SGMS1: variants seen among roughly 807,000 people sequenced by gnomAD.
The protein encoded by SGMS1 is sphingomyelin synthase 1, also known as phosphatidylcholine:ceramide cholinephosphotransferase 1.
In SGMS1, 13 loss-of-function variants were observed where a neutral mutation model predicts 46.2. The ratio of observed to expected loss-of-function variants is 0.28; its 90% CI spans 0.18 to 0.45. SGMS1 has a LOEUF of 0.45. Ranked by LOEUF, SGMS1 falls within the 20% of genes least tolerant of loss-of-function variation. The probability of loss-of-function intolerance (pLI) is 1.00; values close to 1 mark genes in which losing one functional copy is unlikely to be tolerated. For missense variants in SGMS1, 324 were observed against 519.9 expected (o/e 0.62, Z 3.66); for synonymous variants, 203 against 187.8 (o/e 1.08, Z -0.66).
At chr10:50,486,616 C>T (rs952917033) in intron 3 of SGMS1, among the ~76,000 whole-genome samples, 3 of 152,198 alleles carry the variant, frequency 2.0e-5, no homozygotes, top group African/African-American at 7.2e-5. Flanking sequence ...TAGATGCCAT[C>T]TCACACCAGT....
chr10:50,538,795 T>C (rs1047490185), intron 2 of SGMS1, among the ~76,000 whole-genome samples: 4 of 152,164 alleles, frequency 2.6e-5, no homozygotes, highest in Non-Finnish European at 5.9e-5. Context: ...GTAAGTATCA[T>C]TAAGTGGTCA....
intron 3 of SGMS1, chr10:50,472,829 T>C (rs1837390445): frequency 1.3e-5 from 2 of 152,312 alleles, no homozygotes; most frequent in South Asian, 4.1e-4. Context: ...ACACTAGTCA[T>C]TATTTTCAAG....
chr10:50,488,554 T>C (rs1837542039), intron 3 of SGMS1, among the ~76,000 whole-genome samples: 3 of 152,170 alleles, frequency 2.0e-5, no homozygotes, highest in Admixed American at 2.0e-4. Context: ...CAAAGAAACA[T>C]AACATCAGTA....
chr10:50,321,222 T>C (rs540080483), intron 8 of SGMS1, among the ~76,000 whole-genome samples: 53 of 152,248 alleles, frequency 3.5e-4, no homozygotes, highest in Middle Eastern at 3.4e-3. Flanking sequence ...TAAGGAGATA[T>C]GAATAATAAA....
At chr10:50,385,849 C>T (rs1038866830) in intron 6 of SGMS1, among the ~76,000 whole-genome samples, 1 of 152,170 alleles carries the variant, frequency 6.6e-6, no homozygotes, top group Admixed American at 6.5e-5. Flanking sequence ...TGCTTGATTT[C>T]TAGCACATTA....
intron 3 of SGMS1, among the ~76,000 whole-genome samples, chr10:50,512,787 C>T (rs1837768542): frequency 6.6e-6 from 1 of 152,220 alleles, no homozygotes; most frequent in Non-Finnish European, 1.5e-5. Flanking sequence ...TATTCCAGCT[C>T]ATATTTCCAA....
At chr10:50,375,540 C>A (rs1039471209) in intron 6 of SGMS1, among the ~76,000 whole-genome samples, 2 of 152,088 alleles carry the variant, frequency 1.3e-5, no homozygotes, top group Admixed American at 6.6e-5. Context: ...GGTTTGGCCA[C>A]CATGGGAGAA....
chr10:50,396,205 T>C (rs1309848325), intron 6 of SGMS1, among the ~76,000 whole-genome samples: 2 of 152,116 alleles, frequency 1.3e-5, no homozygotes, highest in Non-Finnish European at 2.9e-5. Flanking sequence ...GCCCTCAGGG[T>C]GGGGCTCCCA....
At chr10:50,458,121 C>G (rs533219789) in intron 5 of SGMS1, among the ~76,000 whole-genome samples, 1 of 152,320 alleles carries the variant, frequency 6.6e-6, no homozygotes, top group East Asian at 1.9e-4. Context: ...ATGAACAACA[C>G]CAAGCCCATC....
At chr10:50,418,469 A>T (rs1211059957) in intron 6 of SGMS1, 2 of 152,346 alleles carry the variant, frequency 1.3e-5, no homozygotes, top group African/African-American at 4.8e-5. Flanking sequence ...CTACCACGGC[A>T]AAAAAGAAAT....
intron 3 of SGMS1, among the ~76,000 whole-genome samples, chr10:50,492,009 C>T (rs1837571683): frequency 6.6e-6 from 1 of 152,164 alleles, no homozygotes; most frequent in Non-Finnish European, 1.5e-5. Context: ...AAGGTTGGTT[C>T]AACATACGCA....
chr10:50,603,410 T>C (rs867172178), intron 1 of SGMS1, among the ~76,000 whole-genome samples: 18 of 152,348 alleles, frequency 1.2e-4, no homozygotes, highest in Middle Eastern at 3.4e-3. Context: ...CATTTAACCA[T>C]GATGCACACC....
chr10:50,335,323 C>T (rs1847698479), intron 7 of SGMS1: 1 of 152,394 alleles, frequency 6.6e-6, no homozygotes, highest in Non-Finnish European at 1.5e-5. Context: ...CACATTTGGG[C>T]TGAGCACTGG....
At chr10:50,436,459 C>T (rs994258109) in intron 5 of SGMS1, among the ~76,000 whole-genome samples, 4 of 152,000 alleles carry the variant, frequency 2.6e-5, no homozygotes, top group South Asian at 2.1e-4. Flanking sequence ...AAGGTGATTG[C>T]GATGAAGTTC....
At chr10:50,445,767 G>A (rs372284390) in intron 5 of SGMS1, among the ~76,000 whole-genome samples, 12 of 152,264 alleles carry the variant, frequency 7.9e-5, no homozygotes, top group African/African-American at 2.6e-4. Context: ...GGATAACAGC[G>A]ATGTTCAGGG....
intron 2 of SGMS1, among the ~76,000 whole-genome samples, chr10:50,555,959 TC>T (rs1399336238): frequency 6.6e-6 from 1 of 152,202 alleles, no homozygotes; most frequent in African/African-American, 2.4e-5. Flanking sequence ...GGAAAGACCA[TC>T]TAATTGCCAG....
chr10:50,615,645 C>A (rs991997287), intron 1 of SGMS1, among the ~76,000 whole-genome samples: 1 of 152,224 alleles, frequency 6.6e-6, no homozygotes, highest in Non-Finnish European at 1.5e-5. Flanking sequence ...TCCCACAGCA[C>A]TGATTTTGAG....
Position 50,343,542 on chromosome 10 carries a change from G to A in SGMS1, c.573C>T (p.Gly191=). ...TTAACCAGAGTCCTACAAGGATCAT[G>A]CCATTAATTTCACAAATAGAAAAGG... ...QWAFSICEIN[G]MILVGLWLIQ... Residue 191 remains glycine (G), a synonymous_variant, in exon 7 of 11, where the codon GGC becomes GGT. Transcript: ENST00000361781. 6.2e-7 allele frequency: 1 copy of A among 1,613,958 alleles called. No homozygotes were observed. The highest frequency in any genetic ancestry group is 8.5e-7 in the Non-Finnish European group (1 of 1,180,012).
chr10:50,538,583 C>T (rs1446446017), intron 2 of SGMS1, among the ~76,000 whole-genome samples: 6 of 152,156 alleles, frequency 3.9e-5, no homozygotes, highest in South Asian at 2.1e-4. Flanking sequence ...ATCCCACACC[C>T]TCAGGACATT....
Sources: allele counts gnomAD v4.1 joint callset (sites outside exome capture counted in the v4.1 genomes callset), GRCh38; gene constraint gnomAD v4.1.1; transcripts MANE v1.5; gene names NCBI Gene and HGNC (gene_info 2026-07-23, HGNC 2026-07-21).